Variants in TMCC1 observed in about 807,000 individuals in gnomAD.
TMCC1 encodes transmembrane and coiled-coil domains protein 1.
Under a neutral mutation model 52.4 loss-of-function variants are expected in TMCC1, and 15 were observed. That is an observed-to-expected ratio of 0.29 (90% CI 0.19 to 0.44). The LOEUF is 0.44. Among genes scored for constraint, TMCC1 ranks in the 20% least tolerant of loss-of-function variants. TMCC1 has a pLI of 1.00. For synonymous variants in TMCC1, 279 were observed against 301.9 expected, an observed-to-expected ratio of 0.92 and a Z score of 0.79; for missense variants, 503 against 806.0, an observed-to-expected ratio of 0.62 and a Z score of 4.55.
intron 4 of TMCC1, among the ~76,000 whole-genome samples, chr3:129,673,076 T>A (rs960308601): frequency 1.3e-5 from 2 of 152,188 alleles, no homozygotes; most frequent in African/African-American, 4.8e-5. Flanking sequence ...ATACTGAAAT[T>A]AATGACAAAA....
intron 1 of TMCC1, among the ~76,000 whole-genome samples, chr3:129,888,649 T>C (rs1052184892): frequency 1.1e-4 from 16 of 152,110 alleles, no homozygotes; most frequent in African/African-American, 3.9e-4. Context: ...GCTGAAATAA[T>C]TTAGCAATGA....
At chr3:129,768,817 G>A (rs1444249673) in intron 4 of TMCC1, among the ~76,000 whole-genome samples, 1 of 152,168 alleles carries the variant, frequency 6.6e-6, no homozygotes, top group Non-Finnish European at 1.5e-5. Context: ...TAGAAACTAT[G>A]ATTTTTCTAT....
chr3:129,868,752 T>C (rs2060777642), intron 2 of TMCC1, among the ~76,000 whole-genome samples: 1 of 152,226 alleles, frequency 6.6e-6, no homozygotes, highest in South Asian at 2.1e-4. Context: ...GCTGTTTCAA[T>C]GGAACCTTTC....
chr3:129,751,544 C>G (rs1326686940), intron 4 of TMCC1, among the ~76,000 whole-genome samples: 3 of 151,060 alleles, frequency 2.0e-5, no homozygotes, highest in African/African-American at 7.3e-5. Context: ...AACCAACCAA[C>G]CAACCCTAAA....
chr3:129,886,797 G>T lies in TMCC1; in HGVS notation c.-434-6238C>A, dbSNP rs371564051. On this transcript the variant is annotated intron_variant, in intron 1 of 6. Transcript: ENST00000393238. ...TACAAAAAAAAAAAAAATTAGCCAGGTGTGGTGTGTGCACCTGTAATCCCA... is the reference window on the plus strand; with the variant it reads ...TACAAAAAAAAAAAAAATTAGCCAGTTGTGGTGTGTGCACCTGTAATCCCA... 4.6e-5 allele frequency among the ~76,000 whole-genome samples: 7 copies of T among 151,924 alleles called. No homozygotes were observed. The East Asian group carries it at 1.4e-3, about 29-fold the overall frequency.
At chr3:129,654,901 C>T (rs970248467) in intron 6 of TMCC1, 67 bp downstream of exon 6, 150 of 1,560,436 alleles carry the variant, frequency 9.6e-5, no homozygotes, top group African/African-American at 1.5e-4. Flanking sequence ...TTTTTCCTTC[C>T]GCTGTTTTCC....
chr3:129,866,688 T>C (rs943336708), intron 2 of TMCC1, among the ~76,000 whole-genome samples: 1 of 152,076 alleles, frequency 6.6e-6, no homozygotes, highest in Non-Finnish European at 1.5e-5. Flanking sequence ...TATTTTATAT[T>C]TTCACTATTT....
intron 4 of TMCC1, among the ~76,000 whole-genome samples, chr3:129,746,336 C>A (rs569148863): frequency 1.4e-3 from 154 of 109,118 alleles, no homozygotes; most frequent in African/African-American, 3.4e-3. Flanking sequence ...ACGCCCAATT[C>A]ATTTTTGTAT....
chr3:129,739,827 GAAGA>G (rs1486065753), intron 4 of TMCC1, among the ~76,000 whole-genome samples: 1 of 152,136 alleles, frequency 6.6e-6, no homozygotes, highest in African/African-American at 2.4e-5. Context: ...TAAGTTAATG[GAAGA>G]AAGAAATATT....
At chr3:129,839,304 C>CT (rs1189823633) in intron 2 of TMCC1, among the ~76,000 whole-genome samples, 3 of 152,118 alleles carry the variant, frequency 2.0e-5, no homozygotes, top group Non-Finnish European at 4.4e-5. Flanking sequence ...TATAACCATA[C>CT]TTTAACTAAA....
intron 4 of TMCC1, among the ~76,000 whole-genome samples, chr3:129,717,741 A>G (rs184604054): frequency 3.9e-5 from 6 of 152,312 alleles, no homozygotes; most frequent in African/African-American, 1.4e-4. Context: ...ATCCAACTAC[A>G]TCTTATAATC....
chr3:129,788,499 G>T (rs1229212196), intron 4 of TMCC1, among the ~76,000 whole-genome samples: 2 of 151,308 alleles, frequency 1.3e-5, no homozygotes, highest in African/African-American at 4.9e-5. Flanking sequence ...GTGTTGCTCT[G>T]TCGCCCAGAG....
chr3:129,709,433 G>A (rs1395900699), intron 4 of TMCC1, among the ~76,000 whole-genome samples: 3 of 125,244 alleles, frequency 2.4e-5, no homozygotes, highest in Non-Finnish European at 3.1e-5. Flanking sequence ...CTGAGATTGT[G>A]CCACTGTACT....
intron 4 of TMCC1, among the ~76,000 whole-genome samples, chr3:129,797,698 T>C (rs879297127): frequency 1.5e-4 from 23 of 152,126 alleles, no homozygotes; most frequent in Admixed American, 7.9e-4. Flanking sequence ...TGAGCCAAGA[T>C]CATGCCACTG....
intron 4 of TMCC1, among the ~76,000 whole-genome samples, chr3:129,796,395 T>C (rs2056823135): frequency 6.6e-6 from 1 of 152,218 alleles, no homozygotes; most frequent in Non-Finnish European, 1.5e-5. Flanking sequence ...GACACGTGAC[T>C]GTATATATAG....
rs576247782 is a variant in TMCC1, at chr3:129,691,369, G to A, written c.577-20105C>T. Among the ~76,000 whole-genome samples, 10 of 150,362 alleles carry A rather than the reference G, an allele frequency of 6.7e-5. No individual in the cohort carries two copies. The South Asian group carries it at 1.9e-3, about 29-fold the overall frequency. Reference sequence around the variant, plus strand: ...ATTGAGACCAGCCTGGGCAATGAAAGGGAACAGCTCTTTGAGATCTGGACC... The same window carrying A: ...ATTGAGACCAGCCTGGGCAATGAAAAGGAACAGCTCTTTGAGATCTGGACC... On this transcript the variant is annotated intron_variant, in intron 4 of 6. Transcript: ENST00000393238.
chr3:129,768,439 T>C (rs2107695449), intron 4 of TMCC1, among the ~76,000 whole-genome samples: 1 of 152,320 alleles, frequency 6.6e-6, no homozygotes, highest in African/African-American at 2.4e-5. Context: ...AAGTACCTAG[T>C]GAGAACTGAT....
intron 4 of TMCC1, among the ~76,000 whole-genome samples, chr3:129,734,270 T>C (rs1260217941): frequency 1.3e-5 from 2 of 152,198 alleles, no homozygotes; most frequent in Non-Finnish European, 2.9e-5. Context: ...GTGTAAATAA[T>C]TTCAAAAGCA....
intron 4 of TMCC1, among the ~76,000 whole-genome samples, chr3:129,727,733 G>T (rs571691909): frequency 6.6e-6 from 1 of 152,114 alleles, no homozygotes; most frequent in South Asian, 2.1e-4. Flanking sequence ...TAATTTGGAG[G>T]TCCCTAATGA....
Sources: gnomAD v4.1 joint callset for allele counts (sites outside exome capture counted in the v4.1 genomes callset) on GRCh38, gnomAD v4.1.1 for gene constraint, MANE v1.5 for transcripts, NCBI Gene and HGNC (gene_info 2026-07-23, HGNC 2026-07-21) for gene names.